The following LUZP2 variants were observed in gnomAD, a reference collection of about 807,000 sequenced individuals.
The protein encoded by LUZP2 is leucine zipper protein 2.
Under a neutral mutation model 51.6 loss-of-function variants are expected in LUZP2, and 52 were observed. The ratio of observed to expected loss-of-function variants is 1.01; its 90% CI spans 0.81 to 1.27. The LOEUF (loss-of-function observed/expected upper bound fraction) is 1.27, where lower values mean the gene tolerates loss of function less well. LUZP2 is among the 50% of genes most tolerant of loss of function. LUZP2 has a pLI of 0.00. For synonymous variants in LUZP2, 154 were observed against 137.3 expected (o/e 1.12, Z -0.85); for missense variants, 436 against 395.4 (o/e 1.10, Z -0.87).
chr11:25,077,729 C>T (rs542756149), intron 11 of LUZP2, among the ~76,000 whole-genome samples: 1 of 152,050 alleles, frequency 6.6e-6, no homozygotes, highest in South Asian at 2.1e-4. Context: ...ATTTCCTGAC[C>T]CTGTGATCCT....
chr11:24,692,251 C>T (rs1297167726), intron 1 of LUZP2, among the ~76,000 whole-genome samples: 1 of 151,810 alleles, frequency 6.6e-6, no homozygotes, highest in African/African-American at 2.4e-5. Flanking sequence ...CACAGGTTAC[C>T]CAAATGGCCC....
At position 24,626,290 on chromosome 11, in the gene LUZP2, TTGTGC is replaced by T. The variant is rs371302451; in HGVS notation, c.63-102878_63-102874del. ...CAGGGAAGAGCCTATATTGTCTCAA[TTGTGC>T]CATCCTATCACCTGCAAAACAAAAA... On this transcript the variant is annotated intron_variant, in intron 1 of 11. Transcript: ENST00000336930. Among the ~76,000 whole-genome samples, 29 of 152,258 alleles carry T rather than the reference TTGTGC, an allele frequency of 1.9e-4. No individual in the cohort carries two copies. The East Asian group carries it at 4.8e-3, about 25-fold the overall frequency.
chr11:25,065,138 G>A (rs563902861), intron 10 of LUZP2, among the ~76,000 whole-genome samples: 2 of 152,106 alleles, frequency 1.3e-5, no homozygotes, highest in Non-Finnish European at 2.9e-5. Context: ...CTATGGGAAA[G>A]CTGCTTGAAA....
chr11:24,984,524 T>TTATATATATATATA (rs1209500084), intron 9 of LUZP2, among the ~76,000 whole-genome samples: 3 of 90,048 alleles, frequency 3.3e-5, no homozygotes, highest in Admixed American at 1.3e-4. Context: ...ATTACATATT[T>TTATATATATATATA]TATATATATA....
intron 5 of LUZP2, among the ~76,000 whole-genome samples, chr11:24,861,043 A>G (rs1851725973): frequency 6.6e-6 from 1 of 152,166 alleles, no homozygotes; most frequent in African/African-American, 2.4e-5. Flanking sequence ...CCCAATGCGA[A>G]GAAGCTAAGA....
At chr11:24,650,700 C>T (rs917646892) in intron 1 of LUZP2, among the ~76,000 whole-genome samples, 4 of 151,962 alleles carry the variant, frequency 2.6e-5, no homozygotes, top group Admixed American at 6.6e-5. Flanking sequence ...CGTGAGATTT[C>T]GATCTAACAA....
At chr11:24,847,552 C>A (rs1479137839) in intron 5 of LUZP2, among the ~76,000 whole-genome samples, 1 of 152,112 alleles carries the variant, frequency 6.6e-6, no homozygotes, top group Admixed American at 6.6e-5. Context: ...TTTCTCAACA[C>A]TCATGGTCTT....
At chr11:25,059,175 A>C (rs1459562155) in intron 10 of LUZP2, among the ~76,000 whole-genome samples, 2 of 152,170 alleles carry the variant, frequency 1.3e-5, no homozygotes, top group Non-Finnish European at 2.9e-5. Context: ...AATCTTTTAG[A>C]GTAAGATCAT....
At chr11:24,591,812 A>G (rs1490136940) in intron 1 of LUZP2, among the ~76,000 whole-genome samples, 2 of 152,240 alleles carry the variant, frequency 1.3e-5, no homozygotes. Flanking sequence ...AAAGAAAGTT[A>G]TGGCATTCAA....
intron 5 of LUZP2, among the ~76,000 whole-genome samples, chr11:24,881,120 G>C (rs1271229096): frequency 3.9e-5 from 6 of 152,154 alleles, no homozygotes; most frequent in Admixed American, 1.3e-4. Context: ...CACTTAATCT[G>C]TCTGTGGTAT....
In LUZP2 at chr11:24,774,979, A is replaced by G. The variant is rs1848873905; in HGVS notation, c.396+11671A>G. ...CCTGCTCATTTCTGGCTACCTACCT[A>G]CTCTAGGAATATTACATAACAGGTG... On this transcript the variant is annotated intron_variant, in intron 5 of 11. Coordinates refer to ENST00000336930, the MANE Select transcript of LUZP2 (RefSeq NM_001009909.4). 3.3e-5 allele frequency among the ~76,000 whole-genome samples: 5 copies of G among 150,730 alleles called. No homozygotes were observed. The South Asian group carries it at 1.0e-3, about 31-fold the overall frequency.
At chr11:24,659,476 C>T (rs532254166) in intron 1 of LUZP2, among the ~76,000 whole-genome samples, 3 of 151,926 alleles carry the variant, frequency 2.0e-5, no homozygotes, top group South Asian at 2.1e-4. Context: ...TGCTAAATGA[C>T]GAGTTAATGC....
At position 24,711,487 on chromosome 11, in the gene LUZP2, A is replaced by AAAT. The variant is rs1189847497; in HGVS notation, c.63-17679_63-17677dup. On this transcript the variant is annotated intron_variant, in intron 1 of 11. Transcript: ENST00000336930. ...TAAATAAATAAATAAATAAATAAAT[A>AAAT]AATAAAGATTTTCTTTTGTAGGTAT... 7.6e-4 allele frequency among the ~76,000 whole-genome samples: 106 copies of AAAT among 140,286 alleles called. 2 individuals are homozygous for AAAT. Among genetic ancestry groups the AAAT allele is most frequent in the African/African-American group, 2.5e-3 (102 of 40,030 alleles). The allele number at this position is 140,286 out of a possible 152,430, so 92.0% of individuals were successfully genotyped here. A position where few individuals can be genotyped will look rare whatever the true frequency, so the allele number is the denominator to read the frequency against.
chr11:24,812,542 C>T (rs544511638), intron 5 of LUZP2, among the ~76,000 whole-genome samples: 1 of 152,056 alleles, frequency 6.6e-6, no homozygotes, highest in African/African-American at 2.4e-5. Flanking sequence ...TCTCTTTGCC[C>T]GTTAAAAATA....
Position 24,798,443 on chromosome 11 carries a change from CA to C in LUZP2, c.396+35136del, listed in dbSNP as rs540031320. Among the ~76,000 whole-genome samples, 22 of 152,264 alleles carry C rather than the reference CA, an allele frequency of 1.4e-4. No individual in the cohort carries two copies. The East Asian group carries it at 4.1e-3, about 28-fold the overall frequency. ...AATTCCTGGCCTCAGGCCATCCTTC[CA>C]CCTCAGCCTCCCAAGTCTTTGGGAT... On this transcript the variant is annotated intron_variant, in intron 5 of 11. Transcript: ENST00000336930.
chr11:24,944,136 C>G (rs1854837010), intron 7 of LUZP2, among the ~76,000 whole-genome samples: 1 of 152,110 alleles, frequency 6.6e-6, no homozygotes, highest in African/African-American at 2.4e-5. Context: ...ATCTGAAGAT[C>G]TTTAAAATTT....
intron 5 of LUZP2, among the ~76,000 whole-genome samples, chr11:24,803,324 G>A (rs112296246): frequency 1.3e-3 from 195 of 152,066 alleles, no homozygotes; most frequent in Non-Finnish European, 2.3e-3. Flanking sequence ...ATACGTCTTA[G>A]CCATCCCTTA....
At chr11:24,789,440 T>G (rs1302663571) in intron 5 of LUZP2, among the ~76,000 whole-genome samples, 2 of 152,184 alleles carry the variant, frequency 1.3e-5, no homozygotes, top group Non-Finnish European at 2.9e-5. Context: ...ACTCCCTACA[T>G]GTTAGCAAAT....
intron 9 of LUZP2, among the ~76,000 whole-genome samples, chr11:24,999,591 C>CTTTTCTT (rs1565209669): frequency 6.7e-6 from 1 of 148,278 alleles, no homozygotes; most frequent in Non-Finnish European, 1.5e-5. Flanking sequence ...TGGTCTTAAT[C>CTTTTCTT]CCTTGACCTC....
Sources: gnomAD v4.1 joint callset for allele counts (sites outside exome capture counted in the v4.1 genomes callset) on GRCh38, gnomAD v4.1.1 for gene constraint, MANE v1.5 for transcripts, NCBI Gene and HGNC (gene_info 2026-07-23, HGNC 2026-07-21) for gene names.